Variants in ADCY4 observed in about 807,000 individuals in gnomAD.
The protein encoded by ADCY4 is adenylate cyclase 4, also known as adenylate cyclase type 4.
ADCY4 carries 111 observed loss-of-function variants against 125.5 expected under a neutral mutation model. The observed-to-expected ratio is 0.88, with a 90% confidence interval of 0.76 to 1.04. The LOEUF (loss-of-function observed/expected upper bound fraction) is 1.04, where lower values mean the gene tolerates loss of function less well. Ranked by LOEUF, ADCY4 falls within the 50% of genes least tolerant of loss-of-function variation. The pLI is 0.00. For synonymous variants in ADCY4, 576 were observed against 586.9 expected (o/e 0.98, Z 0.27); for missense variants, 1,256 against 1,382.9 (o/e 0.91, Z 1.46).
chr14:24,332,394 A>T, intron 3 of ADCY4, 128 bp downstream of exon 3: 1 of 1,105,930 alleles, frequency 9.0e-7, no homozygotes, highest in East Asian at 2.6e-5. Context: ...CTGCGAAAGC[A>T]CGGTTGGGTA....
At position 24,318,408 on chromosome 14, in the gene ADCY4, G is replaced by A. The variant is rs756431185; in HGVS notation, c.*8C>T. ...CTTTATTGAGGTTCTTAGAAGGCGA[G>A]TGCAATCTCAGCCTAGGGTAGCTGA... On this transcript the variant is annotated 3_prime_UTR_variant, in exon 25 of 25. Coordinates refer to ENST00000418030, the MANE Select transcript of ADCY4 (RefSeq NM_001198568.2). 12 of 1,613,620 alleles carry A rather than the reference G, an allele frequency of 7.4e-6. No individual in the cohort carries two copies. Among genetic ancestry groups the A allele is most frequent in the East Asian group, 4.5e-5 (2 of 44,898 alleles).
At chr14:24,329,656 G>A (rs1410373975) in intron 8 of ADCY4, 123 bp from the exon 9 acceptor site, 4 of 1,429,288 alleles carry the variant, frequency 2.8e-6, no homozygotes, top group Non-Finnish European at 3.7e-6. Context: ...ATCGTTCCTG[G>A]ATGTCTGACT....
chr14:24,321,254 A>AT (rs2041846981), intron 20 of ADCY4, among the ~76,000 whole-genome samples: 1 of 71,660 alleles, frequency 1.4e-5, no homozygotes, highest in Non-Finnish European at 3.3e-5. Flanking sequence ...CTACTAAAAA[A>AT]AAAAAATATA....
chr14:24,318,627 C>G lies in ADCY4; in HGVS notation c.3081+27G>C, dbSNP rs199619931. ...TGGCCCTATTCTTAGTCCCCCTCCCCCTATGCCTCCAATGTGGTTCCCTCA... is the reference window on the plus strand; with the variant it reads ...TGGCCCTATTCTTAGTCCCCCTCCCGCTATGCCTCCAATGTGGTTCCCTCA... On this transcript the variant is annotated intron_variant, in intron 24 of 24. Coordinates refer to ENST00000418030, the MANE Select transcript of ADCY4 (RefSeq NM_001198568.2). The G allele has an allele frequency of 2.1e-5, 34 of 1,614,108 alleles. No homozygotes were observed. In the Admixed American group the frequency reaches 4.5e-4, roughly 21 times the overall value.
rs1031260155 is a variant in ADCY4 at position 24,331,444 on chromosome 14, C to T, written c.670-88G>A. ...CAAATCACTCAGGAGCCCACACTGC[C>T]CATCCTAGGTGCTCCCCAGGGTGCT... On this transcript the variant is annotated intron_variant, in intron 4 of 24. Transcript: ENST00000418030. 10 of 1,560,160 alleles carry T rather than the reference C, an allele frequency of 6.4e-6. No individual in the cohort carries two copies. The African/African-American group carries it at 1.2e-4, about 19-fold the overall frequency.
At chr14:24,325,674 T>C (rs2041930729) in intron 13 of ADCY4, 144 bp downstream of exon 13, 1 of 1,034,476 alleles carries the variant, frequency 9.7e-7, no homozygotes, top group Non-Finnish European at 1.4e-6. Flanking sequence ...CAGAGTGACT[T>C]TCCTTTAGAG....
intron 14 of ADCY4, among the ~76,000 whole-genome samples, chr14:24,324,666 G>A (rs2041912547): frequency 6.6e-6 from 1 of 152,160 alleles, no homozygotes; most frequent in Non-Finnish European, 1.5e-5. Flanking sequence ...CTGATCTCTG[G>A]GCCTTTAGCC....
chr14:24,332,539 G>A lies in ADCY4; in HGVS notation c.502C>T (p.Pro168Ser). The change falls in exon 3 of 25, where the codon CCT becomes TCT. Residue 168 changes from proline to serine, a missense_variant. Pro to Ser is a moderately conservative substitution (Grantham distance 74). Transcript: ENST00000418030. ...GTGCTCACCTGCGGCAGCAGTGCAGGCCGTGAGTCCGGCTGTGGCCCAAGA... is the reference window on the plus strand; with the variant it reads ...GTGCTCACCTGCGGCAGCAGTGCAGACCGTGAGTCCGGCTGTGGCCCAAGA... Reference protein sequence around the residue: ...LYLGPQPDSRPALLPQLAANA... With the variant: ...LYLGPQPDSRSALLPQLAANA... 2 of 1,569,876 alleles carry A rather than the reference G, an allele frequency of 1.3e-6. No homozygotes were observed. The highest frequency in any genetic ancestry group is 1.7e-6 in the Non-Finnish European group (2 of 1,157,584).
rs963783693 is a variant in ADCY4 at position 24,331,642 on chromosome 14, G to A, written c.669+146C>T. 36 of 1,236,542 alleles carry A rather than the reference G, an allele frequency of 2.9e-5. No homozygotes were observed. In the African/African-American group the frequency reaches 5.5e-4, roughly 19 times the overall value. The allele number at this position is 1,236,542 out of a possible 1,614,324, so 76.6% of individuals were successfully genotyped here. A position where few individuals can be genotyped will look rare whatever the true frequency, so the allele number is the denominator to read the frequency against. Reference sequence around the variant, plus strand: ...TTGTTTGAGCCTCACAACCTTCTAAGATGGGCAATACCCACATTTTATACA... The same window carrying A: ...TTGTTTGAGCCTCACAACCTTCTAAAATGGGCAATACCCACATTTTATACA... On this transcript the variant is annotated intron_variant, in intron 4 of 24. Coordinates refer to ENST00000418030, the MANE Select transcript of ADCY4 (RefSeq NM_001198568.2).
Position 24,334,482 on chromosome 14 carries a change from G to T in ADCY4, c.159+12C>A. ...CAGGTAGAGACCCTCCCGCAGCAGA[G>T]GCTCGGCTCACCCTGCCGCTGGCCC... On this transcript the variant is annotated intron_variant, in intron 1 of 24. Transcript: ENST00000418030. 3.8e-6 allele frequency: 6 copies of T among 1,574,516 alleles called. No individual in the cohort carries two copies. Among genetic ancestry groups the T allele is most frequent in the Non-Finnish European group, 5.1e-6 (6 of 1,166,790 alleles).
In ADCY4 at chr14:24,324,050, C is replaced by T; in HGVS notation, c.2046+12G>A. On this transcript the variant is annotated intron_variant, in intron 16 of 24. Transcript: ENST00000418030. Reference sequence around the variant, plus strand: ...CCCTCATGGGGGTGGATAGGGCCCCCTCTGTCCTCACCAGGCTGGTAATGG... The same window carrying T: ...CCCTCATGGGGGTGGATAGGGCCCCTTCTGTCCTCACCAGGCTGGTAATGG... The T allele has an allele frequency of 6.2e-7, 1 of 1,613,338 alleles. No individual in the cohort carries two copies. The highest frequency in any genetic ancestry group is 8.5e-7 in the Non-Finnish European group (1 of 1,179,654).
chr14:24,333,001 G>T lies in ADCY4; in HGVS notation c.160-13C>A. 6.6e-7 allele frequency: 1 copy of T among 1,511,966 alleles called. No homozygotes were observed. The highest frequency in any genetic ancestry group is 8.8e-7 in the Non-Finnish European group (1 of 1,130,492). 93.7% of individuals were successfully genotyped at this position (1,511,966 alleles called of 1,614,324 possible). On this transcript the variant is annotated splice_polypyrimidine_tract_variant and intron_variant, in intron 1 of 24. Transcript: ENST00000418030. ...CTGAGGTCAGCTCCTGTGGGCAGGGGTGTGTGAGGCAAGATTGTGACAGGG... is the reference window on the plus strand; with the variant it reads ...CTGAGGTCAGCTCCTGTGGGCAGGGTTGTGTGAGGCAAGATTGTGACAGGG...
chr14:24,327,937 A>G (rs1395469167), intron 10 of ADCY4, among the ~76,000 whole-genome samples: 2 of 152,230 alleles, frequency 1.3e-5, no homozygotes, highest in African/African-American at 4.8e-5. Context: ...ATTAATCATT[A>G]GTGGGTAGCA....
At chr14:24,327,281 C>T (rs2041963561) in intron 10 of ADCY4, among the ~76,000 whole-genome samples, 1 of 152,120 alleles carries the variant, frequency 6.6e-6, no homozygotes, top group African/African-American at 2.4e-5. Flanking sequence ...TCAGGAGACA[C>T]CCTTGAACAA....
rs780227888 is a variant in ADCY4 at position 24,322,094 on chromosome 14, TG to T, written c.2557del (p.Gln853SerfsTer44). 3.6e-5 allele frequency: 58 copies of T among 1,613,664 alleles called. No homozygotes were observed. The highest frequency in any genetic ancestry group is 4.4e-5 in the Non-Finnish European group (52 of 1,179,796). ...ENVLPAHVAP[Q>X]FIGQNRRNED... Reference sequence around the variant, plus strand: ...GTTGCGCCGGTTCTGGCCAATGAACTGGGGGGCCACGTGTGCAGGGAGCACG... The same window carrying T: ...GTTGCGCCGGTTCTGGCCAATGAACTGGGGGCCACGTGTGCAGGGAGCACG... On this transcript the variant is annotated frameshift_variant, in exon 20 of 25. Transcript: ENST00000418030. LOFTEE classifies it high-confidence loss of function.
chr14:24,320,793 T>C (rs1342938363), intron 20 of ADCY4, among the ~76,000 whole-genome samples: 1 of 152,204 alleles, frequency 6.6e-6, no homozygotes. Flanking sequence ...CGAGTGGCTG[T>C]TGAGCCCTGG....
At position 24,331,256 on chromosome 14, in the gene ADCY4, C is replaced by A. The variant is rs1351121011; in HGVS notation, c.770G>T (p.Ser257Ile). Residue 257 changes from serine (S) to isoleucine (I), a missense_variant, in exon 5 of 25, where the codon AGC (serine) becomes ATC (isoleucine). Physicochemically the swap from Ser to Ile is moderately radical, Grantham distance 142. Coordinates refer to ENST00000418030, the MANE Select transcript of ADCY4 (RefSeq NM_001198568.2). Reference sequence around the variant, plus strand: ...ATAGAGGCTGTGGAAATTGTTAGTGCTCTCTGGCCGTGACCCCTGTCCTGC... The same window carrying A: ...ATAGAGGCTGTGGAAATTGTTAGTGATCTCTGGCCGTGACCCCTGTCCTGC... ...LQAGQGSRPE[S>I]TNNFHSLYVK... 2 of 1,614,172 alleles carry A rather than the reference C, an allele frequency of 1.2e-6. No individual in the cohort carries two copies.
intron 6 of ADCY4, 138 bp from the exon 7 acceptor site, chr14:24,330,433 G>A: frequency 8.4e-7 from 1 of 1,196,016 alleles, no homozygotes; most frequent in Admixed American, 2.2e-5. Context: ...CAGATCTAGG[G>A]ACTCCTTTCA....
chr14:24,325,311 G>A (rs768565179), intron 14 of ADCY4, 66 bp downstream of exon 14: 50 of 1,361,316 alleles, frequency 3.7e-5, no homozygotes, highest in South Asian at 1.4e-4. Flanking sequence ...AGTGTGGCCC[G>A]GGGTCATGAG....
Sources: allele counts gnomAD v4.1 joint callset (sites outside exome capture counted in the v4.1 genomes callset), GRCh38; gene constraint gnomAD v4.1.1; transcripts MANE v1.5; gene names NCBI Gene and HGNC (gene_info 2026-07-23, HGNC 2026-07-21).